The following ARB2A variants were observed in gnomAD, a reference collection of about 807,000 sequenced individuals.
ARB2A encodes ARB2 cotranscriptional regulator A.
At chr5:93,762,481 C>G in the ARB2A span, among the ~76,000 whole-genome samples, 2 of 152,022 alleles carry the variant, frequency 1.3e-5, no homozygotes, top group Non-Finnish European at 2.9e-5. Flanking sequence ...TGAAATGAAG[C>G]AAGAAGAGAA....
At chr5:93,837,458 T>C in the ARB2A span, among the ~76,000 whole-genome samples, 1 of 152,170 alleles carries the variant, frequency 6.6e-6, no homozygotes, top group Non-Finnish European at 1.5e-5. Flanking sequence ...AGTAGAATGA[T>C]TTATATATCC....
the ARB2A span, among the ~76,000 whole-genome samples, chr5:93,708,465 G>C: frequency 6.6e-6 from 1 of 152,162 alleles, no homozygotes; most frequent in African/African-American, 2.4e-5. Context: ...CATGGGGAGT[G>C]GGGGATGGTT....
chr5:93,805,811 A>G, the ARB2A span: 1 of 985,070 alleles, frequency 1.0e-6, no homozygotes, highest in Non-Finnish European at 1.2e-6. Context: ...TTTTCAATGG[A>G]TCTCCTGTTG....
At chr5:93,666,839 G>A in the ARB2A span, among the ~76,000 whole-genome samples, 1 of 152,046 alleles carries the variant, frequency 6.6e-6, no homozygotes, top group African/African-American at 2.4e-5. Context: ...GTTTTGGTGT[G>A]GTAGATGCTC....
chr5:94,048,148 G>A, the ARB2A span, among the ~76,000 whole-genome samples: 2,149 of 137,052 alleles, frequency 0.016, 43 homozygotes, highest in African/African-American at 0.055. Context: ...TCCATCTCCC[G>A]GGTTCAAACG....
At chr5:93,841,000 T>C in the ARB2A span, among the ~76,000 whole-genome samples, 1 of 152,152 alleles carries the variant, frequency 6.6e-6, no homozygotes, top group African/African-American at 2.4e-5. Context: ...ATAGAACTGG[T>C]AGGATTCTTA....
the ARB2A span, among the ~76,000 whole-genome samples, chr5:93,632,893 T>A: frequency 6.6e-6 from 1 of 152,316 alleles, no homozygotes; most frequent in Non-Finnish European, 1.5e-5. Context: ...TGCTAACAAT[T>A]CTGCTTCTGT....
At chr5:93,980,031 T>G in the ARB2A span, among the ~76,000 whole-genome samples, 1 of 152,150 alleles carries the variant, frequency 6.6e-6, no homozygotes, top group Non-Finnish European at 1.5e-5. Context: ...TTGTATTTGT[T>G]GTTGCTTATT....
chr5:93,799,530 A>T, the ARB2A span, among the ~76,000 whole-genome samples: 1 of 152,212 alleles, frequency 6.6e-6, no homozygotes, highest in Non-Finnish European at 1.5e-5. Flanking sequence ...TTGCTGTACT[A>T]CACCTAGCCA....
At chr5:93,986,463 G>A in the ARB2A span, among the ~76,000 whole-genome samples, 17 of 147,040 alleles carry the variant, frequency 1.2e-4, no homozygotes, top group South Asian at 2.2e-4. Flanking sequence ...CTGCCCGGCC[G>A]CCACGTCTGG....
chr5:93,722,224 G>A, the ARB2A span, among the ~76,000 whole-genome samples: 3 of 152,110 alleles, frequency 2.0e-5, no homozygotes, highest in African/African-American at 4.8e-5. Flanking sequence ...TGGATTTAAA[G>A]TCTGTGCTCT....
chr5:94,012,035 T>C, the ARB2A span, among the ~76,000 whole-genome samples: 1 of 148,930 alleles, frequency 6.7e-6, no homozygotes, highest in East Asian at 2.0e-4. Flanking sequence ...CATGACAGCA[T>C]AGTTAAGATA....
the ARB2A span, among the ~76,000 whole-genome samples, chr5:93,912,051 A>G: frequency 1.1e-4 from 16 of 151,778 alleles, no homozygotes; most frequent in African/African-American, 3.9e-4. Context: ...CACATTATGT[A>G]TAAGTCAGAG....
chr5:93,618,817 A>G, the ARB2A span: 2 of 152,248 alleles, frequency 1.3e-5, no homozygotes, highest in Non-Finnish European at 2.9e-5. Context: ...GCAATTAAAT[A>G]GTGATTTATT....
At chr5:94,083,356 G>A in the ARB2A span, among the ~76,000 whole-genome samples, 1 of 151,956 alleles carries the variant, frequency 6.6e-6, no homozygotes, top group Admixed American at 6.6e-5. Context: ...GTAAACCCTA[G>A]GAAGCACAAT....
chr5:93,624,797 A>C, the ARB2A span, among the ~76,000 whole-genome samples: 1 of 152,184 alleles, frequency 6.6e-6, no homozygotes, highest in African/African-American at 2.4e-5. Flanking sequence ...TGCATCCCAC[A>C]TGATTTTCAA....
the ARB2A span, chr5:93,805,349 T>G: frequency 1.0e-6 from 1 of 985,004 alleles, no homozygotes; most frequent in Non-Finnish European, 1.2e-6. Context: ...ACTGAACAAG[T>G]TTTTACCAGC....
the ARB2A span, among the ~76,000 whole-genome samples, chr5:93,684,638 A>C: frequency 2.6e-5 from 4 of 152,156 alleles, no homozygotes; most frequent in Non-Finnish European, 2.9e-5. Flanking sequence ...CACAACTTAA[A>C]GTTAGTGTGA....
chr5:94,087,935 C>T, the ARB2A span, among the ~76,000 whole-genome samples: 2 of 152,236 alleles, frequency 1.3e-5, no homozygotes. Flanking sequence ...CTATGCTGTT[C>T]GCACAACAAT....
Sources: allele counts gnomAD v4.1 joint callset (sites outside exome capture counted in the v4.1 genomes callset), GRCh38; gene constraint gnomAD v4.1.1; transcripts MANE v1.5; gene names NCBI Gene and HGNC (gene_info 2026-07-23, HGNC 2026-07-21).